SORCS3: variants seen among roughly 807,000 people sequenced by gnomAD.
SORCS3 encodes sortilin related VPS10 domain containing receptor 3, also known as VPS10 domain-containing receptor SorCS3.
SORCS3 carries 57 observed loss-of-function variants against 146.3 expected under a neutral mutation model. That is an observed-to-expected ratio of 0.39 (90% CI 0.31 to 0.49). The LOEUF (loss-of-function observed/expected upper bound fraction) is 0.49. SORCS3 is among the 20% of genes least tolerant of loss of function. SORCS3 has a pLI of 0.92. For synonymous variants in SORCS3, 653 were observed against 618.5 expected (o/e 1.06, Z -0.83); for missense variants, 1,341 against 1,575.5 (o/e 0.85, Z 2.52).
At chr10:104,883,741 C>T (rs900445394) in intron 2 of SORCS3, among the ~76,000 whole-genome samples, 16 of 152,108 alleles carry the variant, frequency 1.1e-4, no homozygotes, top group Middle Eastern at 6.3e-3. Context: ...TTTGGAGCCT[C>T]TTAAGTATTA....
chr10:104,678,425 G>T (rs1268932323), intron 1 of SORCS3, among the ~76,000 whole-genome samples: 1 of 152,160 alleles, frequency 6.6e-6, no homozygotes, highest in Non-Finnish European at 1.5e-5. Flanking sequence ...CAGAAGTAAA[G>T]ATTAAAAACC....
intron 2 of SORCS3, among the ~76,000 whole-genome samples, chr10:104,913,324 A>G (rs2018989653): frequency 6.6e-6 from 1 of 152,210 alleles, no homozygotes; most frequent in South Asian, 2.1e-4. Context: ...GATGATGGAA[A>G]GGATACCAGG....
chr10:104,910,785 T>G (rs1478339827), intron 2 of SORCS3, among the ~76,000 whole-genome samples: 3 of 151,340 alleles, frequency 2.0e-5, no homozygotes, highest in African/African-American at 4.9e-5. Flanking sequence ...GACAGTGGAG[T>G]GGGGTTGGGG....
Position 105,096,316 on chromosome 10 carries a change from A to T in SORCS3, c.1093+6477A>T, listed in dbSNP as rs191190112. 1.7e-3 allele frequency among the ~76,000 whole-genome samples: 265 copies of T among 152,276 alleles called. 1 individual carries two copies. The highest frequency in any genetic ancestry group is 0.014 in the Middle Eastern group (4 of 292). On this transcript the variant is annotated intron_variant, in intron 6 of 26. Transcript: ENST00000369701. The stretch of plus-strand genomic sequence containing the variant: ...CTGAGCTGGTTGAACTTTAACATGC[A>T]TGTGCACCATCTGGAGAGCTTGTTA...
intron 4 of SORCS3, among the ~76,000 whole-genome samples, chr10:104,981,357 T>G (rs1286087932): frequency 6.6e-6 from 1 of 152,130 alleles, no homozygotes; most frequent in Non-Finnish European, 1.5e-5. Context: ...GTGGAAGTAA[T>G]AGGTTATGGT....
intron 5 of SORCS3, among the ~76,000 whole-genome samples, chr10:105,051,067 A>G (rs768834231): frequency 1.8e-4 from 28 of 152,148 alleles, no homozygotes; most frequent in Non-Finnish European, 3.5e-4. Context: ...TAATATCATG[A>G]GATTGCCTGA....
At chr10:104,911,065 C>T (rs966287727) in intron 2 of SORCS3, among the ~76,000 whole-genome samples, 4 of 152,248 alleles carry the variant, frequency 2.6e-5, no homozygotes, top group African/African-American at 9.6e-5. Flanking sequence ...TGTCTGGAAT[C>T]ACAAAGTAGA....
At chr10:104,873,254 C>T (rs2018537648) in intron 2 of SORCS3, among the ~76,000 whole-genome samples, 1 of 152,208 alleles carries the variant, frequency 6.6e-6, no homozygotes, top group Admixed American at 6.5e-5. Flanking sequence ...ACCCATTTTT[C>T]CTCAGTGGGA....
chr10:105,066,847 T>C (rs2055526188), intron 5 of SORCS3, among the ~76,000 whole-genome samples: 1 of 152,124 alleles, frequency 6.6e-6, no homozygotes, highest in African/African-American at 2.4e-5. Flanking sequence ...CCAGGAATCA[T>C]TGAGCCTTCT....
At chr10:104,937,646 C>T (rs992319566) in intron 3 of SORCS3, among the ~76,000 whole-genome samples, 1 of 152,146 alleles carries the variant, frequency 6.6e-6, no homozygotes, top group Non-Finnish European at 1.5e-5. Flanking sequence ...AAAGTAAGTT[C>T]GGGTCTTGGA....
At chr10:104,924,148 G>C in intron 3 of SORCS3, among the ~76,000 whole-genome samples, 1 of 152,118 alleles carries the variant, frequency 6.6e-6, no homozygotes, top group East Asian at 1.9e-4. Flanking sequence ...TTAATTCTTA[G>C]ACTCACTGCA....
chr10:104,886,594 CTATCTATCTATCTACA>C (rs1303512697), intron 2 of SORCS3, among the ~76,000 whole-genome samples: 100 of 151,840 alleles, frequency 6.6e-4, no homozygotes, highest in African/African-American at 2.1e-3. Flanking sequence ...ATCTATCTAT[CTATCTATCTATCTACA>C]TTCTCCCCTA....
chr10:105,127,811 A>C (rs2055986964), intron 7 of SORCS3, among the ~76,000 whole-genome samples: 1 of 152,132 alleles, frequency 6.6e-6, no homozygotes, highest in South Asian at 2.1e-4. Context: ...CCAACTGGGA[A>C]ATTGGGGTTA....
chr10:105,153,109 G>A (rs2056179107), intron 9 of SORCS3, among the ~76,000 whole-genome samples: 1 of 152,120 alleles, frequency 6.6e-6, no homozygotes, highest in African/African-American at 2.4e-5. Context: ...TTGCCCTTTT[G>A]TAGTCCACCC....
intron 1 of SORCS3, among the ~76,000 whole-genome samples, chr10:104,773,351 G>T (rs534182691): frequency 2.0e-4 from 31 of 152,342 alleles, no homozygotes; most frequent in African/African-American, 7.5e-4. Flanking sequence ...ATTCCCAGCT[G>T]CAGTGGTATG....
chr10:104,960,903 A>G (rs1267389789), intron 3 of SORCS3, among the ~76,000 whole-genome samples: 3 of 152,184 alleles, frequency 2.0e-5, no homozygotes, highest in African/African-American at 4.8e-5. Context: ...ACAATAAATA[A>G]TAAGTATTAG....
intron 2 of SORCS3, among the ~76,000 whole-genome samples, chr10:104,897,723 T>G (rs1267589596): frequency 1.3e-5 from 2 of 152,192 alleles, no homozygotes; most frequent in Non-Finnish European, 2.9e-5. Flanking sequence ...ATTTTTCCTT[T>G]GTGAGTGCAG....
chr10:104,744,118 G>T (rs1406477925), intron 1 of SORCS3, among the ~76,000 whole-genome samples: 1 of 152,116 alleles, frequency 6.6e-6, no homozygotes, highest in African/African-American at 2.4e-5. Context: ...GCCCATGGTG[G>T]CTGGCAGGAG....
At chr10:105,203,827 A>C (rs1247178640) in intron 16 of SORCS3, among the ~76,000 whole-genome samples, 1 of 152,222 alleles carries the variant, frequency 6.6e-6, no homozygotes, top group Non-Finnish European at 1.5e-5. Flanking sequence ...TATAACATAG[A>C]AATACAACAT....
Sources: allele counts gnomAD v4.1 joint callset (sites outside exome capture counted in the v4.1 genomes callset), GRCh38; gene constraint gnomAD v4.1.1; transcripts MANE v1.5; gene names NCBI Gene and HGNC (gene_info 2026-07-23, HGNC 2026-07-21).